The following XDH variants were observed in gnomAD, a reference collection of about 807,000 sequenced individuals.
The protein encoded by XDH is xanthine dehydrogenase.
In XDH, 138 loss-of-function variants were observed where a neutral mutation model predicts 156.1. The observed-to-expected ratio is 0.88, with a 90% CI of 0.77 to 1.02. The LOEUF is 1.02. XDH is among the 50% of genes least tolerant of loss of function. The probability of loss-of-function intolerance (pLI) is 0.00; values close to 1 mark genes in which losing one functional copy is unlikely to be tolerated. For missense variants in XDH, 1,849 were observed against 1,684.9 expected, an observed-to-expected ratio of 1.10 and a Z score of -1.71; for synonymous variants, 669 against 625.7, an observed-to-expected ratio of 1.07 and a Z score of -1.03.
chr2:31,413,306 G>T (rs1687391472), intron 1 of XDH, among the ~76,000 whole-genome samples: 1 of 152,226 alleles, frequency 6.6e-6, no homozygotes, highest in Admixed American at 6.5e-5. Context: ...CTGAAGGAAA[G>T]AAGTTGTTTG....
At chr2:31,382,823 T>C (rs1268388633) in intron 11 of XDH, among the ~76,000 whole-genome samples, 178 bp downstream of exon 11, 2 of 152,136 alleles carry the variant, frequency 1.3e-5, no homozygotes, top group Non-Finnish European at 1.5e-5. Flanking sequence ...GACCCATGTA[T>C]CAGAATCTCT....
intron 9 of XDH, among the ~76,000 whole-genome samples, chr2:31,384,754 A>C (rs891519995): frequency 6.6e-6 from 1 of 152,168 alleles, no homozygotes; most frequent in Non-Finnish European, 1.5e-5. Context: ...CAGAATCTTC[A>C]AAGCTCCCTT....
Position 31,388,236 on chromosome 2 carries a change from T to C in XDH, c.555A>G (p.Lys185=), listed in dbSNP as rs1686668343. 1 of 1,614,094 alleles carries C rather than the reference T, an allele frequency of 6.2e-7. No homozygotes were observed. Among genetic ancestry groups the C allele is most frequent in the African/African-American group, 1.3e-5 (1 of 74,932 alleles). Residue 185 remains lysine, a synonymous_variant, in exon 7 of 36, where the codon AAA becomes AAG. Coordinates refer to ENST00000379416, the MANE Select transcript of XDH (RefSeq NM_000379.4). ...AGAAGAACTCACTTACTGAGTGGTC[T>C]TTCTTCTGGTTCATGCAGCAATTTG... ...NNPNCCMNQK[K]DHSVSLSPSL... is the part of the protein sequence containing the mutation.
rs543063448 is a variant in XDH, at chr2:31,407,771, G to T, written c.43-1807C>A. ...CCATAAGATTTTTTATTGACTAAGA[G>T]TAATAAAAAGTTCATGAAACTGCCA... On this transcript the variant is annotated intron_variant, in intron 1 of 35. Transcript: ENST00000379416. Among the ~76,000 whole-genome samples the T allele has an allele frequency of 2.0e-5, 3 of 152,232 alleles. No homozygotes were observed. In the South Asian group the frequency reaches 6.2e-4, roughly 32 times the overall value.
At chr2:31,397,518 G>T in intron 6 of XDH, 150 bp downstream of exon 6, 1 of 970,130 alleles carries the variant, frequency 1.0e-6, no homozygotes, top group Non-Finnish European at 1.7e-6. Context: ...TACTCCCCAT[G>T]CCAGATGTCC....
In XDH at chr2:31,350,213, C is replaced by T. The variant is rs759322927; in HGVS notation, c.2642G>A (p.Arg881Gln). 4.3e-6 allele frequency: 7 copies of T among 1,613,950 alleles called. No individual in the cohort carries two copies. Among genetic ancestry groups the T allele is most frequent in the African/African-American group, 4.0e-5 (3 of 74,878 alleles). Reference protein sequence around the residue: ...TQDLSQSIMERALFHMDNCYK... With the variant: ...TQDLSQSIMEQALFHMDNCYK... ...GCAGTTGTCCATGTGGAATAAAGCTCGTTCCATAATCTGAAGCAGAGGAAA... is the reference window on the plus strand; with the variant it reads ...GCAGTTGTCCATGTGGAATAAAGCTTGTTCCATAATCTGAAGCAGAGGAAA... The change falls in exon 25 of 36, where the codon CGA (arginine) becomes CAA (glutamine). Residue 881 changes from arginine to glutamine, a missense_variant. By Grantham distance (43) the Arg-to-Gln change is conservative. Coordinates refer to ENST00000379416, the MANE Select transcript of XDH (RefSeq NM_000379.4).
intron 13 of XDH, 75 bp from the exon 14 acceptor site, chr2:31,377,312 G>T (rs1572544689): frequency 6.4e-7 from 1 of 1,553,526 alleles, no homozygotes; most frequent in East Asian, 2.2e-5. Context: ...CAAACCACAG[G>T]GCTATGAGGT....
intron 22 of XDH, 61 bp from the exon 23 acceptor site, chr2:31,365,605 G>A: frequency 6.3e-7 from 1 of 1,594,054 alleles, no homozygotes; most frequent in African/African-American, 1.3e-5. Flanking sequence ...AGCCCTGCAA[G>A]TCTCAGAATA....
At chr2:31,386,634 A>G (rs1413200353) in intron 8 of XDH, 79 bp from the exon 9 acceptor site, 3 of 1,570,890 alleles carry the variant, frequency 1.9e-6, no homozygotes, top group African/African-American at 1.4e-5. Flanking sequence ...TAAGTCCTCA[A>G]TGGGATGTTT....
intron 18 of XDH, among the ~76,000 whole-genome samples, chr2:31,369,451 T>G (rs1208962359): frequency 1.3e-5 from 2 of 152,200 alleles, no homozygotes; most frequent in East Asian, 1.9e-4. Flanking sequence ...AACAAAAAAT[T>G]TTTGTACAAC....
chr2:31,413,452 A>C (rs536685657), intron 1 of XDH, among the ~76,000 whole-genome samples: 1 of 152,180 alleles, frequency 6.6e-6, no homozygotes, highest in African/African-American at 2.4e-5. Context: ...CCCATTCCCC[A>C]GCACTTCCCA....
intron 1 of XDH, among the ~76,000 whole-genome samples, chr2:31,406,889 T>C (rs1687203954): frequency 6.6e-6 from 1 of 152,054 alleles, no homozygotes; most frequent in Admixed American, 6.5e-5. Context: ...ATGTCAGAAA[T>C]GAAAGAGAAA....
At chr2:31,364,803 T>A (rs1230582578) in intron 23 of XDH, among the ~76,000 whole-genome samples, 1 of 152,050 alleles carries the variant, frequency 6.6e-6, no homozygotes, top group African/African-American at 2.4e-5. Flanking sequence ...AGAAATATAA[T>A]CCCTTGCTGG....
chr2:31,377,135 C>T lies in XDH; in HGVS notation c.1345G>A (p.Val449Ile), dbSNP rs1431376630. The T allele has an allele frequency of 9.9e-6, 16 of 1,614,124 alleles. No homozygotes were observed. The South Asian group carries it at 1.3e-4, about 13-fold the overall frequency. The part of the protein sequence containing the change: ...RVLFKPGTTE[V>I]QELALCYGGM... Reference sequence around the variant, plus strand: ...CCATAGCAAAGGGCCAGCTCCTGTACCTCTGTGGTTCCTGGCTTGAATAAA... The same window carrying T: ...CCATAGCAAAGGGCCAGCTCCTGTATCTCTGTGGTTCCTGGCTTGAATAAA... The change falls in exon 14 of 36, where the codon GTA (valine) becomes ATA (isoleucine). Residue 449 changes from valine to isoleucine, a missense_variant. Physicochemically the swap from Val to Ile is conservative, Grantham distance 29 (BLOSUM62 3). Transcript: ENST00000379416.
intron 26 of XDH, among the ~76,000 whole-genome samples, chr2:31,349,368 G>C (rs1322978122): frequency 3.3e-5 from 5 of 152,244 alleles, no homozygotes; most frequent in African/African-American, 1.2e-4. Flanking sequence ...TTATAGATCA[G>C]TGTCAGAGGC....
chr2:31,374,990 T>C (rs1228567725), intron 15 of XDH, among the ~76,000 whole-genome samples: 2 of 149,612 alleles, frequency 1.3e-5, no homozygotes, highest in South Asian at 2.1e-4. Flanking sequence ...CCCTTTCTTT[T>C]TTTCCTTTCT....
intron 2 of XDH, among the ~76,000 whole-genome samples, chr2:31,403,413 C>T (rs1177957790): frequency 6.6e-6 from 1 of 152,188 alleles, no homozygotes; most frequent in Non-Finnish European, 1.5e-5. Flanking sequence ...TCTCTTGGGA[C>T]ATGAGTTCTA....
chr2:31,360,552 T>C (rs58549655), intron 24 of XDH, among the ~76,000 whole-genome samples: 37,657 of 152,104 alleles, frequency 0.25, 5,458 homozygotes, highest in African/African-American at 0.4. Context: ...TGATGAAATC[T>C]GATGATCTCC....
In XDH at chr2:31,386,432, C is replaced by T. The variant is rs373279221; in HGVS notation, c.775G>A (p.Val259Met). The T allele has an allele frequency of 2.1e-4, 338 of 1,613,514 alleles. No individual in the cohort carries two copies. The highest frequency in any genetic ancestry group is 2.6e-4 in the Non-Finnish European group (312 of 1,180,052). Residue 259 changes from valine to methionine, a missense_variant, in exon 9 of 36, where the codon GTG (valine) becomes ATG (methionine). Val to Met is a conservative substitution (Grantham distance 21). Coordinates refer to ENST00000379416, the MANE Select transcript of XDH (RefSeq NM_000379.4). ...KAQHPDAKLV[V>M]GNTEIGIEMK... ...CCCTTACCAATCTCCGTGTTCCCCACGACCAGCTTGGCGTCAGGGTGCTGA... is the reference window on the plus strand; with the variant it reads ...CCCTTACCAATCTCCGTGTTCCCCATGACCAGCTTGGCGTCAGGGTGCTGA...
Sources: allele counts gnomAD v4.1 joint callset (sites outside exome capture counted in the v4.1 genomes callset), GRCh38; gene constraint gnomAD v4.1.1; transcripts MANE v1.5; gene names NCBI Gene and HGNC (gene_info 2026-07-23, HGNC 2026-07-21).